Variants in FAM171A1 observed in about 807,000 individuals in gnomAD.
The protein encoded by FAM171A1 is protein FAM171A1.
In FAM171A1, 23 loss-of-function variants were observed where a neutral mutation model predicts 74.9. That is an observed-to-expected ratio of 0.31 (90% CI 0.22 to 0.44). The LOEUF is 0.44. Among genes scored for constraint, FAM171A1 ranks in the 20% least tolerant of loss-of-function variants. FAM171A1 has a pLI of 1.00. For synonymous variants in FAM171A1, 527 were observed against 505.7 expected (o/e 1.04, Z -0.57); for missense variants, 1,162 against 1,159.2 (o/e 1.00, Z -0.03).
At chr10:15,347,568 T>C (rs549966479) in intron 1 of FAM171A1, among the ~76,000 whole-genome samples, 2 of 152,254 alleles carry the variant, frequency 1.3e-5, no homozygotes, top group East Asian at 1.9e-4. Context: ...CCGGGTGCAG[T>C]GGCTCATGCC....
intron 5 of FAM171A1, among the ~76,000 whole-genome samples, chr10:15,224,206 C>A (rs1834076277): frequency 1.3e-5 from 2 of 151,930 alleles, no homozygotes; most frequent in African/African-American, 4.8e-5. Flanking sequence ...AGGGCGGGAG[C>A]CAGGAGAAAG....
rs549127498 is a variant in FAM171A1 at position 15,298,342 on chromosome 10, C to A, written c.98-14237G>T. 3.9e-5 allele frequency among the ~76,000 whole-genome samples: 6 copies of A among 152,080 alleles called. No homozygotes were observed. The South Asian group carries it at 1.2e-3, about 32-fold the overall frequency. ...AGGGACAGGGTTTCACTGTGTTGGC[C>A]AGGCTGGTTTCAAACTCCTGACCTC... On this transcript the variant is annotated intron_variant, in intron 1 of 7. Transcript: ENST00000378116.
intron 4 of FAM171A1, among the ~76,000 whole-genome samples, chr10:15,249,921 C>A (rs563746154): frequency 5.3e-4 from 81 of 152,310 alleles, no homozygotes; most frequent in African/African-American, 1.9e-3. Context: ...TTACATATTT[C>A]TTTGAGCACA....
intron 5 of FAM171A1, among the ~76,000 whole-genome samples, chr10:15,225,009 C>T (rs771662431): frequency 1.3e-5 from 2 of 152,202 alleles, no homozygotes; most frequent in South Asian, 2.1e-4. Flanking sequence ...TTTCCAGAGG[C>T]CTTTCTAGGA....
rs780048056 is a variant in FAM171A1 at position 15,213,774 on chromosome 10, G to A, written c.1814C>T (p.Ala605Val). 1.2e-6 allele frequency: 2 copies of A among 1,614,060 alleles called. No homozygotes were observed. The highest frequency in any genetic ancestry group is 2.7e-5 in the African/African-American group (2 of 74,934). The change falls in exon 8 of 8, where the codon GCT becomes GTT. Residue 605 changes from alanine to valine, a missense_variant. Transcript: ENST00000378116. This position sits in a 1 kb window ranked among gnomAD's most constrained non-coding sequence, Gnocchi z 6.8. ...SYVSQPLVVP[A>V]DQQLEIERLQ... ...TCTTTCTATCTCAAGCTGCTGATCA[G>A]CCGGGACGACGAGGGGCTGGCTGAC...
intron 6 of FAM171A1, among the ~76,000 whole-genome samples, chr10:15,217,395 T>G (rs975903997): frequency 6.6e-6 from 1 of 152,224 alleles, no homozygotes; most frequent in Non-Finnish European, 1.5e-5. Context: ...ATTTTTGATT[T>G]TTGACATTCT....
chr10:15,279,618 T>C (rs188562569), intron 2 of FAM171A1, among the ~76,000 whole-genome samples: 172 of 152,170 alleles, frequency 1.1e-3, no homozygotes, highest in African/African-American at 3.9e-3. Context: ...CTGGGCTTTA[T>C]GGGATAAAAG....
rs915044233 is a variant in FAM171A1 at position 15,357,207 on chromosome 10, C to T, written c.97+13749G>A. ...CTGAGGCAGGAGAATGGCGTGAACC[C>T]GGGAGGTGGAGCTTGCAGTGGGCCG... is the stretch of plus-strand genomic sequence containing the variant. On this transcript the variant is annotated intron_variant, in intron 1 of 7. Coordinates refer to ENST00000378116, the MANE Select transcript of FAM171A1 (RefSeq NM_001010924.2). Among the ~76,000 whole-genome samples the T allele has an allele frequency of 5.9e-5, 9 of 151,976 alleles. No individual in the cohort carries two copies. In the South Asian group the frequency reaches 6.3e-4, roughly 11 times the overall value.
chr10:15,253,145 A>T (rs2131765493), intron 4 of FAM171A1, among the ~76,000 whole-genome samples: 1 of 152,272 alleles, frequency 6.6e-6, no homozygotes, highest in Non-Finnish European at 1.5e-5. Flanking sequence ...CTAGAACTAC[A>T]GGCACCTGCC....
At chr10:15,324,104 A>T (rs1835520427) in intron 1 of FAM171A1, among the ~76,000 whole-genome samples, 1 of 152,196 alleles carries the variant, frequency 6.6e-6, no homozygotes, top group African/African-American at 2.4e-5. Context: ...TAGCAAGATA[A>T]ATCTGAGCCT....
chr10:15,351,310 G>A (rs10796285), intron 1 of FAM171A1, among the ~76,000 whole-genome samples: 65,903 of 151,938 alleles, frequency 0.43, 14,792 homozygotes, highest in East Asian at 0.78. Context: ...GTGTGGGTGC[G>A]TAAGCCCCCA....
intron 3 of FAM171A1, among the ~76,000 whole-genome samples, chr10:15,265,252 C>CGT (rs368142730): frequency 4.1e-4 from 61 of 150,194 alleles, no homozygotes; most frequent in Middle Eastern, 6.9e-3. Context: ...CGTGTGTGTG[C>CGT]GTGTGTGTGT....
At chr10:15,338,846 T>C (rs1835732730) in intron 1 of FAM171A1, among the ~76,000 whole-genome samples, 1 of 152,220 alleles carries the variant, frequency 6.6e-6, no homozygotes, top group Non-Finnish European at 1.5e-5. Flanking sequence ...GTTCAAGTGA[T>C]TCTCCTGCCT....
intron 3 of FAM171A1, among the ~76,000 whole-genome samples, chr10:15,258,525 G>A (rs1424339957): frequency 2.0e-5 from 3 of 152,024 alleles, no homozygotes; most frequent in African/African-American, 7.2e-5. Context: ...CCCCAGTCTA[G>A]AACAATAACA....
intron 1 of FAM171A1, among the ~76,000 whole-genome samples, chr10:15,303,405 A>G (rs1411209515): frequency 6.6e-6 from 1 of 152,142 alleles, no homozygotes; most frequent in Admixed American, 6.5e-5. Context: ...AGTGAACATC[A>G]GCATACGGTA....
chr10:15,256,906 A>G (rs1357259902), intron 3 of FAM171A1, among the ~76,000 whole-genome samples: 1 of 152,148 alleles, frequency 6.6e-6, no homozygotes, highest in Non-Finnish European at 1.5e-5. Context: ...GGTCAAAGCC[A>G]GCATTCTTTC....
intron 3 of FAM171A1, among the ~76,000 whole-genome samples, chr10:15,273,695 T>G (rs1216014788): frequency 6.6e-6 from 1 of 152,198 alleles, no homozygotes; most frequent in African/African-American, 2.4e-5. Flanking sequence ...CATGATCAAG[T>G]TGGCTTCATC....
At chr10:15,238,657 G>A (rs771327147) in intron 5 of FAM171A1, among the ~76,000 whole-genome samples, 8 of 152,076 alleles carry the variant, frequency 5.3e-5, no homozygotes, top group Admixed American at 2.6e-4. Context: ...TGTCATAGCC[G>A]TAACATTCAC....
intron 1 of FAM171A1, among the ~76,000 whole-genome samples, chr10:15,349,315 C>T (rs1212071636): frequency 6.6e-6 from 1 of 152,218 alleles, no homozygotes; most frequent in Admixed American, 6.5e-5. Flanking sequence ...GAGTAGTTAA[C>T]TGCATGCAAT....
Sources: allele counts gnomAD v4.1 joint callset (sites outside exome capture counted in the v4.1 genomes callset), GRCh38; gene constraint gnomAD v4.1.1; non-coding constraint Gnocchi (gnomAD v3.1); transcripts MANE v1.5; gene names NCBI Gene and HGNC (gene_info 2026-07-23, HGNC 2026-07-21).